The following HECW2 variants were observed in gnomAD, a reference collection of about 807,000 sequenced individuals.
HECW2 encodes the protein HECT, C2 and WW domain containing E3 ubiquitin protein ligase 2.
HECW2 carries 61 observed loss-of-function variants against 175.2 expected under a neutral mutation model. The ratio of observed to expected loss-of-function variants is 0.35; its 90% CI spans 0.28 to 0.43. HECW2 has a LOEUF of 0.43. Among genes scored for constraint, HECW2 ranks in the 20% least tolerant of loss-of-function variants. The pLI is 1.00. For missense variants in HECW2, 1,524 were observed against 2,000.5 expected, an observed-to-expected ratio of 0.76 and a Z score of 4.54; for synonymous variants, 671 against 731.0, an observed-to-expected ratio of 0.92 and a Z score of 1.32.
intron 2 of HECW2, among the ~76,000 whole-genome samples, chr2:196,412,891 A>G (rs993360334): frequency 4.3e-4 from 66 of 152,358 alleles, no homozygotes; most frequent in African/African-American, 1.5e-3. Context: ...GGCTGGAAGG[A>G]GCCCTCTGAA....
chr2:196,514,368 C>G lies in HECW2; in HGVS notation c.-36+79140G>C, dbSNP rs369814027. Among the ~76,000 whole-genome samples the G allele has an allele frequency of 2.7e-3, 407 of 152,342 alleles. 2 individuals carry two copies. Among genetic ancestry groups the G allele is most frequent in the African/African-American group, 9.2e-3 (384 of 41,584 alleles). The stretch of plus-strand genomic sequence containing the variant: ...AGCACAGGAGGAGACCACAGTGGGG[C>G]TGAGGGCGGCTCGGCACAGGCCTGT... On this transcript the variant is annotated intron_variant, in intron 1 of 28. Transcript: ENST00000644978.
At chr2:196,403,210 A>G (rs1242830293) in intron 2 of HECW2, among the ~76,000 whole-genome samples, 1 of 152,040 alleles carries the variant, frequency 6.6e-6, no homozygotes, top group Non-Finnish European at 1.5e-5. Context: ...TAAGTACTAA[A>G]TAGCCACAGG....
intron 10 of HECW2, among the ~76,000 whole-genome samples, chr2:196,313,879 CCT>C (rs962284323): frequency 6.6e-6 from 1 of 152,094 alleles, no homozygotes; most frequent in African/African-American, 2.4e-5. Flanking sequence ...TAGTTAGACC[CCT>C]GTCTCTACAA....
At chr2:196,374,108 T>C (rs1693985028) in intron 2 of HECW2, among the ~76,000 whole-genome samples, 1 of 152,108 alleles carries the variant, frequency 6.6e-6, no homozygotes, top group Non-Finnish European at 1.5e-5. Flanking sequence ...GTGAATAATA[T>C]GTCATGATTC....
intron 1 of HECW2, among the ~76,000 whole-genome samples, chr2:196,547,411 T>G (rs1212347843): frequency 1.3e-5 from 2 of 152,212 alleles, no homozygotes; most frequent in African/African-American, 4.8e-5. Flanking sequence ...TTGCCCCAAG[T>G]GAACCTCTTA....
chr2:196,456,079 T>C (rs1696502525), intron 1 of HECW2, among the ~76,000 whole-genome samples: 1 of 152,188 alleles, frequency 6.6e-6, no homozygotes, highest in South Asian at 2.1e-4. Flanking sequence ...AAATTATTTC[T>C]AGATATGAAG....
At chr2:196,469,120 C>CGTGT (rs33984882) in intron 1 of HECW2, among the ~76,000 whole-genome samples, 9,744 of 144,774 alleles carry the variant, frequency 0.067, 403 homozygotes, top group East Asian at 0.15. Flanking sequence ...TGTGTGTGTG[C>CGTGT]GTGTGTGTGT....
At chr2:196,468,158 C>T (rs1176125098) in intron 1 of HECW2, among the ~76,000 whole-genome samples, 2 of 152,194 alleles carry the variant, frequency 1.3e-5, no homozygotes, top group Non-Finnish European at 2.9e-5. Context: ...CCAAGCCCAG[C>T]TAATTTCTGT....
intron 1 of HECW2, among the ~76,000 whole-genome samples, chr2:196,513,472 T>G (rs547493524): frequency 1.6e-4 from 25 of 152,278 alleles, no homozygotes; most frequent in African/African-American, 5.5e-4. Context: ...ATCACAACAC[T>G]GAACTTCAGC....
chr2:196,254,053 C>T (rs376177898), intron 18 of HECW2, 24 bp from the exon 19 acceptor site: 129 of 1,611,516 alleles, frequency 8.0e-5, no homozygotes, highest in Middle Eastern at 3.3e-4. Context: ...AGAAACAAAA[C>T]GGGCACTTCA....
At chr2:196,281,669 A>AAAAG (rs1690193630) in intron 14 of HECW2, among the ~76,000 whole-genome samples, 1 of 148,060 alleles carries the variant, frequency 6.8e-6, no homozygotes, top group African/African-American at 2.5e-5. Context: ...AAAAAAAAAA[A>AAAAG]GCGTGTTCTT....
At position 196,318,708 on chromosome 2, in the gene HECW2, G is replaced by C; in HGVS notation, c.2182C>G (p.Pro728Ala). The C allele has an allele frequency of 6.4e-7, 1 of 1,574,798 alleles. No homozygotes were observed. Among genetic ancestry groups the C allele is most frequent in the African/African-American group, 1.4e-5 (1 of 73,438 alleles). ...EGPGAESATV[P>A]DQEELGEVWQ... Reference sequence around the variant, plus strand: ...ACCTCCCCCAGCTCCTCCTGGTCAGGTACAGTGGCCGATTCTGCCCCTGGC... The same window carrying C: ...ACCTCCCCCAGCTCCTCCTGGTCAGCTACAGTGGCCGATTCTGCCCCTGGC... Residue 728 changes from proline to alanine, a missense_variant, in exon 9 of 29, where the codon CCT (proline) becomes GCT (alanine). By Grantham distance (27) the Pro-to-Ala change is conservative. Around this residue, in one of 11 missense-constraint regions of HECW2, gnomAD observed 604 missense variants for 588.3 expected, o/e 1.03. Coordinates refer to ENST00000644978, the MANE Select transcript of HECW2 (RefSeq NM_001348768.2).
At chr2:196,264,404 A>C (rs1298514113) in intron 17 of HECW2, among the ~76,000 whole-genome samples, 1 of 152,234 alleles carries the variant, frequency 6.6e-6, no homozygotes, top group Non-Finnish European at 1.5e-5. Flanking sequence ...ACAGTAAAAC[A>C]GATGTACCTA....
chr2:196,539,349 T>C (rs1026386721), intron 1 of HECW2, among the ~76,000 whole-genome samples: 2 of 152,190 alleles, frequency 1.3e-5, no homozygotes, highest in African/African-American at 4.8e-5. Context: ...TACTTTTACG[T>C]AGGCCGGACG....
At chr2:196,267,020 C>A (rs1432971849) in intron 17 of HECW2, among the ~76,000 whole-genome samples, 1 of 152,168 alleles carries the variant, frequency 6.6e-6, no homozygotes, top group African/African-American at 2.4e-5. Flanking sequence ...ATGATCTAAT[C>A]TACCCAGAAT....
chr2:196,585,182 TG>T (rs1690930145), intron 1 of HECW2, among the ~76,000 whole-genome samples: 1 of 152,234 alleles, frequency 6.6e-6, no homozygotes, highest in African/African-American at 2.4e-5. Flanking sequence ...TGCCTTGTTT[TG>T]CAATTATATA....
intron 14 of HECW2, among the ~76,000 whole-genome samples, chr2:196,279,785 TTC>T (rs1358643783): frequency 2.6e-4 from 39 of 152,292 alleles, no homozygotes; most frequent in African/African-American, 9.1e-4. Context: ...GTCACTTAAG[TTC>T]TCTGAGCTAT....
intron 1 of HECW2, among the ~76,000 whole-genome samples, chr2:196,534,921 G>A (rs1688966414): frequency 6.6e-6 from 1 of 152,228 alleles, no homozygotes; most frequent in South Asian, 2.1e-4. Context: ...ACATCTTAAT[G>A]GAGAAATTTT....
chr2:196,271,117 AG>A, intron 17 of HECW2, 75 bp downstream of exon 17: 1 of 862,368 alleles, frequency 1.2e-6, no homozygotes, highest in South Asian at 1.5e-5. Flanking sequence ...TAAATTTCCA[AG>A]ACAACTATCA....
Sources: allele counts gnomAD v4.1 joint callset (sites outside exome capture counted in the v4.1 genomes callset), GRCh38; gene constraint gnomAD v4.1.1; regional missense constraint gnomAD v4.1.1; transcripts MANE v1.5; gene names NCBI Gene and HGNC (gene_info 2026-07-23, HGNC 2026-07-21).